PAK3: variants seen among roughly 807,000 people sequenced by gnomAD.
PAK3 encodes p21 (RAC1) activated kinase 3.
Under a neutral mutation model 41.0 loss-of-function variants are expected in PAK3, and 4 were observed. The observed-to-expected ratio is 0.10, with a 90% CI of 0.05 to 0.22. PAK3 has a LOEUF of 0.22. Ranked by LOEUF, PAK3 falls within the 10% of genes least tolerant of loss-of-function variation. The probability of loss-of-function intolerance (pLI) is 1.00; values close to 1 mark genes in which losing one functional copy is unlikely to be tolerated. For synonymous variants in PAK3, 146 were observed against 139.6 expected, an observed-to-expected ratio of 1.05 and a Z score of -0.32; for missense variants, 205 against 409.9, an observed-to-expected ratio of 0.50 and a Z score of 4.32.
chrX:110,966,846 C>T (rs1223970420), intron 1 of PAK3, among the ~76,000 whole-genome samples: 2 of 111,195 alleles, frequency 1.8e-5, no homozygotes, highest in Non-Finnish European at 3.8e-5. Flanking sequence ...AATATAAATG[C>T]TTTTTGTAAT....
At chrX:110,975,115 C>A (rs764776734) in intron 1 of PAK3, among the ~76,000 whole-genome samples, 1 of 111,961 alleles carries the variant, frequency 8.9e-6, no homozygotes, top group South Asian at 3.8e-4. Flanking sequence ...CCAGGCCAAT[C>A]AGGCAGGAGA....
chrX:111,148,131 C>T (rs2093975386), intron 7 of PAK3, among the ~76,000 whole-genome samples: 1 of 111,844 alleles, frequency 8.9e-6, no homozygotes. Context: ...TGAGCTTGAA[C>T]TGGTAGTCAC....
At chrX:110,954,289 C>G in intron 1 of PAK3, among the ~76,000 whole-genome samples, 1 of 112,242 alleles carries the variant, frequency 8.9e-6, no homozygotes, top group Non-Finnish European at 1.9e-5. Flanking sequence ...ATATATAGCT[C>G]CCATTTATTA....
intron 1 of PAK3, among the ~76,000 whole-genome samples, chrX:111,060,726 A>G (rs2092648704): frequency 9.0e-6 from 1 of 111,517 alleles, no homozygotes; most frequent in South Asian, 3.8e-4. Context: ...ATTGACTTTT[A>G]AAGACATCAG....
intron 4 of PAK3, among the ~76,000 whole-genome samples, chrX:111,104,672 A>G (rs2093219096): frequency 8.9e-6 from 1 of 111,796 alleles, no homozygotes; most frequent in Non-Finnish European, 1.9e-5. Context: ...ACTTGTATTT[A>G]TTGTCTACTG....
chrX:111,017,876 T>TTA (rs1349358233), intron 1 of PAK3, among the ~76,000 whole-genome samples: 1 of 110,949 alleles, frequency 9.0e-6, no homozygotes, highest in Admixed American at 9.6e-5. Context: ...ATTAAAAGGG[T>TTA]TATATGCCTT....
At chrX:110,981,927 G>T (rs970583584) in intron 1 of PAK3, among the ~76,000 whole-genome samples, 1 of 111,838 alleles carries the variant, frequency 8.9e-6, no homozygotes, top group Non-Finnish European at 1.9e-5. Flanking sequence ...TCCTTGGCTA[G>T]ATATGGGTAG....
chrX:111,142,858 C>T (rs1488333272), intron 6 of PAK3, among the ~76,000 whole-genome samples: 2 of 110,773 alleles, frequency 1.8e-5, no homozygotes, highest in Non-Finnish European at 3.8e-5. Flanking sequence ...AATAAGAATT[C>T]GCTGGACAGA....
chrX:111,155,450 G>A (rs1434329945), intron 8 of PAK3, among the ~76,000 whole-genome samples: 3 of 107,231 alleles, frequency 2.8e-5, no homozygotes, highest in South Asian at 4.4e-4. Flanking sequence ...GCAGTGAGGC[G>A]TGATTGTGTC....
At chrX:111,040,496 G>A (rs958342473) in intron 1 of PAK3, among the ~76,000 whole-genome samples, 2 of 111,421 alleles carry the variant, frequency 1.8e-5, no homozygotes, top group Non-Finnish European at 3.8e-5. Context: ...ATTTAAAAAA[G>A]GAAAAAGAAA....
At chrX:110,953,501 T>C (rs2090788745) in intron 1 of PAK3, among the ~76,000 whole-genome samples, 1 of 112,499 alleles carries the variant, frequency 8.9e-6, no homozygotes, top group Non-Finnish European at 1.9e-5. Flanking sequence ...AGGCCCCACC[T>C]CAACCAGTTG....
intron 1 of PAK3, among the ~76,000 whole-genome samples, chrX:110,966,104 T>C (rs748968544): frequency 5.3e-5 from 6 of 112,219 alleles, no homozygotes; most frequent in Non-Finnish European, 9.4e-5. Context: ...AATGAATAGC[T>C]AAATATGTGT....
intron 1 of PAK3, among the ~76,000 whole-genome samples, chrX:111,023,612 T>G (rs1183503593): frequency 8.9e-6 from 1 of 112,484 alleles, no homozygotes; most frequent in African/African-American, 3.2e-5. Flanking sequence ...TATCTCATTG[T>G]GGTTTTGATC....
chrX:111,144,484 A>G (rs746785897), intron 6 of PAK3, among the ~76,000 whole-genome samples: 1 of 111,583 alleles, frequency 9.0e-6, no homozygotes, highest in East Asian at 2.8e-4. Flanking sequence ...CAAATTATAA[A>G]AAGCTTTTAA....
At chrX:111,096,027 C>T (rs2092974809), upstream of PAK3, among the ~76,000 whole-genome samples, 1 of 111,543 alleles carries the variant, frequency 9.0e-6, no homozygotes, top group Admixed American at 9.5e-5. Flanking sequence ...GTTTTTTCCC[C>T]CTCCCAGGCG....
chrX:111,020,490 A>C (rs2092160448), intron 1 of PAK3, among the ~76,000 whole-genome samples: 1 of 111,392 alleles, frequency 9.0e-6, no homozygotes, highest in Non-Finnish European at 1.9e-5. Flanking sequence ...ATTGCACAAC[A>C]ATGTGAATGT....
chrX:110,992,456 A>C (rs907830795), intron 1 of PAK3, among the ~76,000 whole-genome samples: 1 of 110,153 alleles, frequency 9.1e-6, no homozygotes, highest in Non-Finnish European at 1.9e-5. Flanking sequence ...GCACTCCTAT[A>C]AGCAGTGGGT....
At chrX:111,219,481 T>C in intron 17 of PAK3, among the ~76,000 whole-genome samples, 1 of 110,926 alleles carries the variant, frequency 9.0e-6, no homozygotes, top group South Asian at 3.9e-4. Context: ...TTAACCTAAG[T>C]GCTCTGACTC....
In PAK3 at chrX:111,223,743, C is replaced by T. The variant is rs1255400535; in HGVS notation, c.*3296C>T. On this transcript the variant is annotated 3_prime_UTR_variant, in exon 18 of 18. Transcript: ENST00000372007. ...AAATGATATTTCTCAGCTCAAAGAT[C>T]GTGTAAATAATTATATTCCTTTGCT... is the stretch of plus-strand genomic sequence containing the variant. 2 of 110,977 alleles carry T rather than the reference C, an allele frequency of 1.8e-5. No homozygotes were observed. Among genetic ancestry groups the T allele is most frequent in the African/African-American group, 3.3e-5 (1 of 30,464 alleles). The allele number at this position is 110,977 out of a possible 1,213,427, so 9.1% of individuals were successfully genotyped here.
Sources: allele counts gnomAD v4.1 joint callset (sites outside exome capture counted in the v4.1 genomes callset), GRCh38; gene constraint gnomAD v4.1.1; transcripts MANE v1.5; gene names NCBI Gene and HGNC (gene_info 2026-07-23, HGNC 2026-07-21).